P4HA1: variants seen among roughly 807,000 people sequenced by gnomAD.
P4HA1 encodes prolyl 4-hydroxylase subunit alpha 1.
Under a neutral mutation model 72.8 loss-of-function variants are expected in P4HA1, and 24 were observed. The observed-to-expected ratio is 0.33, with a 90% confidence interval of 0.24 to 0.46. The LOEUF (loss-of-function observed/expected upper bound fraction) is 0.46. Among genes scored for constraint, P4HA1 ranks in the 20% least tolerant of loss-of-function variants. P4HA1 has a pLI of 1.00. For synonymous variants in P4HA1, 201 were observed against 218.8 expected, an observed-to-expected ratio of 0.92 and a Z score of 0.72; for missense variants, 446 against 640.6, an observed-to-expected ratio of 0.70 and a Z score of 3.28.
In P4HA1 at chr10:73,078,903, C is replaced by T. The variant is rs575435957; in HGVS notation, c.-32-3988G>A. On this transcript the variant is annotated intron_variant, in intron 1 of 14. Coordinates refer to ENST00000394890, the MANE Select transcript of P4HA1 (RefSeq NM_001017962.3). ...CTGGGATTACAGGCGTGAGCCACCG[C>T]GCCCGGCTGGTAATTTTCTTTTATA... 5.9e-5 allele frequency among the ~76,000 whole-genome samples: 9 copies of T among 152,108 alleles called. 1 individual carries two copies. The South Asian group carries it at 8.3e-4, about 14-fold the overall frequency.
chr10:73,045,564 T>A (rs1840837099), intron 8 of P4HA1, among the ~76,000 whole-genome samples: 1 of 152,058 alleles, frequency 6.6e-6, no homozygotes, highest in African/African-American at 2.4e-5. Context: ...CTCATTAACA[T>A]ATACAGTGAA....
intron 1 of P4HA1, among the ~76,000 whole-genome samples, 168 bp from the exon 2 acceptor site, chr10:73,075,083 T>G (rs1841665625): frequency 1.3e-5 from 2 of 152,206 alleles, no homozygotes; most frequent in Admixed American, 6.5e-5. Context: ...GTTTTTCATA[T>G]AATGAGAGTA....
chr10:73,066,541 G>A (rs1295248150), intron 5 of P4HA1, among the ~76,000 whole-genome samples: 1 of 151,990 alleles, frequency 6.6e-6, no homozygotes, highest in African/African-American at 2.4e-5. Flanking sequence ...TTTTGAGATA[G>A]GGGTCTCACT....
chr10:73,090,207 T>A (rs561970033), intron 1 of P4HA1, among the ~76,000 whole-genome samples: 1 of 151,374 alleles, frequency 6.6e-6, no homozygotes, highest in African/African-American at 2.4e-5. Context: ...TCACAGTTCA[T>A]TGAAGACTCA....
intron 9 of P4HA1, among the ~76,000 whole-genome samples, chr10:73,037,565 ATATATATT>A (rs1443689800): frequency 7.2e-4 from 23 of 32,110 alleles, no homozygotes; most frequent in African/African-American, 1.7e-3. Context: ...ATATATATAT[ATATATATT>A]TTTTTTTTTT....
At chr10:73,065,692 G>A (rs1285371602) in intron 5 of P4HA1, among the ~76,000 whole-genome samples, 1 of 152,136 alleles carries the variant, frequency 6.6e-6, no homozygotes, top group African/African-American at 2.4e-5. Context: ...CATCTGGTAA[G>A]TATGATGAAA....
rs148746844 is a variant in P4HA1, at chr10:73,022,866, G to C, written c.1249-5967C>G. ...GGTGCATGCACAAGCTTCGGTAGCC[G>C]ATTTGATCAAGTGGAACAAAGGGTA... On this transcript the variant is annotated intron_variant, in intron 10 of 14. Transcript: ENST00000394890. Among the ~76,000 whole-genome samples the C allele has an allele frequency of 3.6e-3, 547 of 152,300 alleles. 5 individuals are homozygous for C. The highest frequency in any genetic ancestry group is 0.013 in the African/African-American group (525 of 41,560).
At chr10:73,052,051 T>A (rs1157061253) in intron 6 of P4HA1, among the ~76,000 whole-genome samples, 1 of 152,120 alleles carries the variant, frequency 6.6e-6, no homozygotes, top group Non-Finnish European at 1.5e-5. Context: ...GTCCCAAATT[T>A]CTAAGTAAGA....
chr10:73,082,111 TTATA>T (rs1841837884), intron 1 of P4HA1, among the ~76,000 whole-genome samples: 1 of 152,252 alleles, frequency 6.6e-6, no homozygotes, highest in Non-Finnish European at 1.5e-5. Context: ...CAACACTTTA[TTATA>T]AAATAGGCTT....
intron 8 of P4HA1, 75 bp from the exon 9 acceptor site, chr10:73,045,126 TC>T: frequency 8.1e-7 from 1 of 1,236,156 alleles, no homozygotes. Flanking sequence ...CAGTCAGAAT[TC>T]CAGGGTTTTT....
intron 5 of P4HA1, among the ~76,000 whole-genome samples, chr10:73,065,714 C>G (rs561145521): frequency 1.3e-5 from 2 of 152,224 alleles, no homozygotes; most frequent in South Asian, 4.1e-4. Context: ...ACCAAATACC[C>G]TATGATTTCT....
Position 73,045,100 on chromosome 10 carries a change from A to G in P4HA1, c.1078-49T>C, listed in dbSNP as rs1248577114. On this transcript the variant is annotated intron_variant, in intron 8 of 14. Transcript: ENST00000394890. ...GTTGCATTACAAAACAAAAAACTGA[A>G]TCACATTTACCCAACCAGTCAGAAT... 2.0e-6 allele frequency: 3 copies of G among 1,484,562 alleles called. No homozygotes were observed. The African/African-American group carries it at 4.2e-5, about 21-fold the overall frequency. 92.0% of individuals were successfully genotyped at this position (1,484,562 alleles called of 1,614,324 possible).
chr10:73,071,525 T>C (rs924792915), intron 4 of P4HA1, among the ~76,000 whole-genome samples: 1 of 152,106 alleles, frequency 6.6e-6, no homozygotes, highest in Non-Finnish European at 1.5e-5. Flanking sequence ...TATTAAAGTA[T>C]CTAAAACATT....
chr10:73,017,899 A>G (rs1484559175), intron 10 of P4HA1, among the ~76,000 whole-genome samples: 1 of 152,224 alleles, frequency 6.6e-6, no homozygotes, highest in Non-Finnish European at 1.5e-5. Context: ...TGCTGACAAA[A>G]TCAAAGGAGA....
intron 10 of P4HA1, among the ~76,000 whole-genome samples, chr10:73,021,523 G>C (rs908093210): frequency 1.3e-5 from 2 of 152,152 alleles, no homozygotes; most frequent in African/African-American, 4.8e-5. Flanking sequence ...GATGGAACTG[G>C]AGTTCATTAT....
In P4HA1 at chr10:73,068,906, A is replaced by G; in HGVS notation, c.403T>C (p.Leu135=). 2 of 1,612,488 alleles carry G rather than the reference A, an allele frequency of 1.2e-6. No homozygotes were observed. The highest frequency in any genetic ancestry group is 2.2e-5 in the South Asian group (2 of 91,042). Residue 135 remains leucine (L), a synonymous_variant, in exon 5 of 15, where the codon TTA becomes CTA. Coordinates refer to ENST00000394890, the MANE Select transcript of P4HA1 (RefSeq NM_001017962.3). ...EDQVGAAKAL[L]RLQDTYNLDT... Reference sequence around the variant, plus strand: ...AAATTGTAGGTATCCTGGAGACGTAACAGAGCTTTGGCTGCCCCAACCTGA... The same window carrying G: ...AAATTGTAGGTATCCTGGAGACGTAGCAGAGCTTTGGCTGCCCCAACCTGA...
At chr10:73,028,078 G>A (rs1441834901) in intron 10 of P4HA1, among the ~76,000 whole-genome samples, 1 of 152,082 alleles carries the variant, frequency 6.6e-6, no homozygotes, top group Admixed American at 6.6e-5. Flanking sequence ...TGCATCACAG[G>A]GGAGGGCACA....
chr10:73,030,120 A>C (rs1308565910), intron 10 of P4HA1, 151 bp downstream of exon 10: 1 of 409,806 alleles, frequency 2.4e-6, no homozygotes, highest in Non-Finnish European at 4.4e-6. Flanking sequence ...CCCATTATTA[A>C]AATCACTTTG....
At chr10:73,044,934 T>C in intron 9 of P4HA1, 47 bp downstream of exon 9, 1 of 1,454,782 alleles carries the variant, frequency 6.9e-7, no homozygotes. Flanking sequence ...GTAAGATGTA[T>C]AAAACACTCA....
Sources: gnomAD v4.1 joint callset for allele counts (sites outside exome capture counted in the v4.1 genomes callset) on GRCh38, gnomAD v4.1.1 for gene constraint, MANE v1.5 for transcripts, NCBI Gene and HGNC (gene_info 2026-07-23, HGNC 2026-07-21) for gene names.